The following PCDH15 variants were observed in gnomAD, a reference collection of about 807,000 sequenced individuals.
PCDH15 encodes protocadherin related 15.
In PCDH15, 129 loss-of-function variants were observed where a neutral mutation model predicts 178.5. The observed-to-expected ratio is 0.72, with a 90% CI of 0.63 to 0.84. The LOEUF is 0.84. PCDH15 is among the 40% of genes least tolerant of loss of function. The pLI is 0.00. For synonymous variants in PCDH15, 800 were observed against 732.0 expected (o/e 1.09, Z -1.50); for missense variants, 2,230 against 2,099.9 (o/e 1.06, Z -1.21).
intron 3 of PCDH15, among the ~76,000 whole-genome samples, chr10:54,888,994 C>A (rs1189414822): frequency 2.0e-5 from 3 of 151,684 alleles, no homozygotes; most frequent in Non-Finnish European, 4.4e-5. Flanking sequence ...GCATTTGACA[C>A]ACACAATGTG....
intron 24 of PCDH15, among the ~76,000 whole-genome samples, chr10:53,939,786 G>T (rs1348181843): frequency 1.3e-5 from 2 of 152,006 alleles, no homozygotes; most frequent in South Asian, 2.1e-4. Flanking sequence ...CAGTCACTGT[G>T]GGGGACAGAC....
At chr10:53,989,136 ACTAAGCTGT>A (rs2091302735) in intron 21 of PCDH15, among the ~76,000 whole-genome samples, 1 of 152,180 alleles carries the variant, frequency 6.6e-6, no homozygotes, top group African/African-American at 2.4e-5. Context: ...ATTGGCTAAG[ACTAAGCTGT>A]CATTACAGGG....
chr10:55,375,610 C>G (rs1837377783), intron 2 of PCDH15, among the ~76,000 whole-genome samples: 1 of 152,026 alleles, frequency 6.6e-6, no homozygotes, highest in South Asian at 2.1e-4. Flanking sequence ...TAAAAGTTAT[C>G]AGATTTATTT....
intron 2 of PCDH15, among the ~76,000 whole-genome samples, chr10:54,542,841 T>C (rs2085402631): frequency 6.6e-6 from 1 of 152,042 alleles, no homozygotes; most frequent in Non-Finnish European, 1.5e-5. Context: ...TGTGCCCAAA[T>C]GTTGCATTTT....
At chr10:54,321,078 A>T (rs2384446) in intron 7 of PCDH15, among the ~76,000 whole-genome samples, 30,830 of 149,126 alleles carry the variant, frequency 0.21, 3,225 homozygotes, top group Admixed American at 0.23. Flanking sequence ...TACATTTGAC[A>T]TTTTTCTCAA....
At chr10:54,825,838 A>G (rs1953122456) in intron 3 of PCDH15, among the ~76,000 whole-genome samples, 1 of 152,102 alleles carries the variant, frequency 6.6e-6, no homozygotes. Context: ...CAGGATATGT[A>G]CTTAATTAGT....
intron 1 of PCDH15, among the ~76,000 whole-genome samples, chr10:54,783,118 A>G (rs996387217): frequency 6.6e-6 from 1 of 152,218 alleles, no homozygotes; most frequent in African/African-American, 2.4e-5. Flanking sequence ...ATAATTTTCC[A>G]GTAAGAGAAC....
At chr10:54,381,727 A>G (rs1177264034) in intron 3 of PCDH15, among the ~76,000 whole-genome samples, 1 of 152,118 alleles carries the variant, frequency 6.6e-6, no homozygotes, top group African/African-American at 2.4e-5. Flanking sequence ...CTTGCAGAAT[A>G]GGTAATACCC....
chr10:55,010,516 G>T (rs920415304), intron 2 of PCDH15, among the ~76,000 whole-genome samples: 1 of 152,110 alleles, frequency 6.6e-6, no homozygotes, highest in African/African-American at 2.4e-5. Context: ...TGAATAGGTC[G>T]CTGAGGCACT....
intron 2 of PCDH15, among the ~76,000 whole-genome samples, chr10:54,588,786 C>A (rs946091272): frequency 4.6e-5 from 7 of 152,038 alleles, no homozygotes; most frequent in Admixed American, 3.9e-4. Context: ...GTGGCCGGGG[C>A]TAGTCTTGAA....
At chr10:54,458,455 A>C (rs987395626) in intron 3 of PCDH15, among the ~76,000 whole-genome samples, 1 of 152,118 alleles carries the variant, frequency 6.6e-6, no homozygotes, top group Admixed American at 6.6e-5. Context: ...ACTCAACCTC[A>C]AAACTTAAAA....
At chr10:54,264,204 TCCC>T (rs1375948552) in intron 8 of PCDH15, among the ~76,000 whole-genome samples, 2 of 152,166 alleles carry the variant, frequency 1.3e-5, no homozygotes, top group East Asian at 3.9e-4. Flanking sequence ...CTTAATAAAC[TCCC>T]CTTCAAATGT....
intron 2 of PCDH15, among the ~76,000 whole-genome samples, chr10:55,465,609 G>T (rs1472424856): frequency 6.6e-6 from 1 of 152,068 alleles, no homozygotes; most frequent in East Asian, 1.9e-4. Context: ...ATAATTAGGA[G>T]AAGTATATCA....
intron 1 of PCDH15, among the ~76,000 whole-genome samples, chr10:54,742,401 G>A (rs534056733): frequency 6.6e-6 from 1 of 152,144 alleles, no homozygotes; most frequent in South Asian, 2.1e-4. Context: ...TGCCAGCCTA[G>A]TTGTTACCCC....
At chr10:54,487,445 C>A (rs1333488625) in intron 3 of PCDH15, among the ~76,000 whole-genome samples, 3 of 151,930 alleles carry the variant, frequency 2.0e-5, no homozygotes, top group Admixed American at 1.3e-4. Context: ...TTCACCACTA[C>A]CCAATGTGTT....
chr10:54,577,519 G>A (rs762894800), intron 2 of PCDH15, among the ~76,000 whole-genome samples: 2 of 151,674 alleles, frequency 1.3e-5, no homozygotes. Flanking sequence ...GTTACATTTG[G>A]TGAGAATACA....
At chr10:55,609,619 C>A (rs1425245842) in intron 2 of PCDH15, among the ~76,000 whole-genome samples, 2 of 151,990 alleles carry the variant, frequency 1.3e-5, no homozygotes, top group Non-Finnish European at 2.9e-5. Flanking sequence ...TATTCAAGTT[C>A]ATGTACACTG....
intron 2 of PCDH15, among the ~76,000 whole-genome samples, chr10:55,474,514 AG>A (rs1840025884): frequency 6.6e-6 from 1 of 152,202 alleles, no homozygotes. Context: ...TTCACAGGTG[AG>A]AATCTGTCTC....
At chr10:54,930,368 C>G (rs1466333666) in intron 2 of PCDH15, among the ~76,000 whole-genome samples, 3 of 152,148 alleles carry the variant, frequency 2.0e-5, no homozygotes, top group African/African-American at 7.2e-5. Context: ...TCAAGTGCCC[C>G]TCTCTTTCGC....
Sources: allele counts gnomAD v4.1 joint callset (sites outside exome capture counted in the v4.1 genomes callset), GRCh38; gene constraint gnomAD v4.1.1; transcripts MANE v1.5; gene names NCBI Gene and HGNC (gene_info 2026-07-23, HGNC 2026-07-21).